The following AGBL1 variants were observed in gnomAD, a reference collection of about 807,000 sequenced individuals.
AGBL1 encodes the protein cytosolic carboxypeptidase 4.
Under a neutral mutation model 118.9 loss-of-function variants are expected in AGBL1, and 130 were observed. The ratio of observed to expected loss-of-function variants is 1.09; its 90% CI spans 0.95 to 1.26. The LOEUF is 1.26. Ranked by LOEUF, AGBL1 falls within the 50% of genes most tolerant of loss-of-function variation. AGBL1 has a pLI of 0.00. For missense variants in AGBL1, 1,584 were observed against 1,298.1 expected (o/e 1.22, Z -3.38); for synonymous variants, 555 against 478.9 (o/e 1.16, Z -2.08).
rs185027393 is a variant in AGBL1 at position 86,734,155 on chromosome 15, C to T, written c.3158+59719C>T. Reference sequence around the variant, plus strand: ...GCAACCCTAGGACATACAGCCATATCTGTTTTGACCCAAGGCACTTACGTT... The same window carrying T: ...GCAACCCTAGGACATACAGCCATATTTGTTTTGACCCAAGGCACTTACGTT... On this transcript the variant is annotated intron_variant, in intron 22 of 22. Transcript: ENST00000614907. Among the ~76,000 whole-genome samples, 579 of 152,246 alleles carry T rather than the reference C, an allele frequency of 3.8e-3. 5 individuals carry two copies. Among genetic ancestry groups the T allele is most frequent in the South Asian group, 0.019 (90 of 4,816 alleles).
chr15:86,653,497 C>T (rs1369668241), intron 21 of AGBL1, among the ~76,000 whole-genome samples: 3 of 152,164 alleles, frequency 2.0e-5, no homozygotes, highest in East Asian at 3.9e-4. Context: ...ATATAAACCA[C>T]AGTGATGAGC....
chr15:86,739,990 C>A (rs1227435344), intron 22 of AGBL1, among the ~76,000 whole-genome samples: 1 of 152,216 alleles, frequency 6.6e-6, no homozygotes, highest in Non-Finnish European at 1.5e-5. Flanking sequence ...CCTTTAAAGC[C>A]TGATACATTT....
At chr15:86,622,310 A>C (rs1273845029) in intron 21 of AGBL1, among the ~76,000 whole-genome samples, 2 of 150,408 alleles carry the variant, frequency 1.3e-5, no homozygotes, top group Admixed American at 6.6e-5. Flanking sequence ...AACCTGGGTG[A>C]CAAGACTGAG....
chr15:86,558,552 G>C (rs148786604), intron 21 of AGBL1, among the ~76,000 whole-genome samples: 1 of 152,174 alleles, frequency 6.6e-6, no homozygotes, highest in Non-Finnish European at 1.5e-5. Flanking sequence ...AAGTCCTTCT[G>C]TATGCAAATC....
chr15:86,178,528 C>G (rs1052778758), intron 5 of AGBL1, among the ~76,000 whole-genome samples: 3 of 152,150 alleles, frequency 2.0e-5, no homozygotes, highest in Admixed American at 2.0e-4. Context: ...TATCAAAGCT[C>G]ACCCAAGAAG....
chr15:86,733,727 A>G (rs2077557693), intron 22 of AGBL1, among the ~76,000 whole-genome samples: 1 of 152,230 alleles, frequency 6.6e-6, no homozygotes, highest in Admixed American at 6.5e-5. Context: ...CCATTTATAA[A>G]GAAAAGTGAG....
At chr15:86,809,756 T>C (rs1026437351) in intron 22 of AGBL1, among the ~76,000 whole-genome samples, 21 of 152,170 alleles carry the variant, frequency 1.4e-4, no homozygotes, top group African/African-American at 4.8e-4. Flanking sequence ...AAGAACCCAT[T>C]CATCTATATT....
At chr15:86,336,658 C>T (rs566560841) in intron 17 of AGBL1, among the ~76,000 whole-genome samples, 2 of 152,280 alleles carry the variant, frequency 1.3e-5, no homozygotes, top group South Asian at 4.1e-4. Context: ...AGCTCTGATC[C>T]ATAATTTATA....
At chr15:86,460,241 G>A (rs1020832803) in intron 18 of AGBL1, among the ~76,000 whole-genome samples, 1 of 149,020 alleles carries the variant, frequency 6.7e-6, no homozygotes, top group Non-Finnish European at 1.5e-5. Flanking sequence ...CAGCACTTTG[G>A]GAGGCTGCGG....
At chr15:86,950,319 T>C (rs1384621945) in intron 23 of AGBL1, among the ~76,000 whole-genome samples, 4 of 150,986 alleles carry the variant, frequency 2.6e-5, no homozygotes, top group African/African-American at 9.7e-5. Flanking sequence ...AAAACAAATG[T>C]AAAATAAAAT....
At chr15:86,314,721 G>T (rs1272941110) in intron 17 of AGBL1, among the ~76,000 whole-genome samples, 2 of 152,152 alleles carry the variant, frequency 1.3e-5, no homozygotes, top group East Asian at 3.9e-4. Context: ...TGCTTCCCCA[G>T]TAGGAAGTCC....
chr15:86,204,388 C>T (rs2077955403), intron 5 of AGBL1, among the ~76,000 whole-genome samples: 1 of 152,146 alleles, frequency 6.6e-6, no homozygotes, highest in Non-Finnish European at 1.5e-5. Flanking sequence ...TGGGATTTCC[C>T]ATATACCCCT....
intron 17 of AGBL1, among the ~76,000 whole-genome samples, chr15:86,314,249 A>G (rs1184991495): frequency 6.6e-6 from 1 of 152,216 alleles, no homozygotes; most frequent in Non-Finnish European, 1.5e-5. Context: ...TTGGCCAAAC[A>G]AGAGGAGTTA....
chr15:86,707,505 C>T (rs904928449), intron 22 of AGBL1, among the ~76,000 whole-genome samples: 44 of 152,148 alleles, frequency 2.9e-4, no homozygotes, highest in African/African-American at 1.0e-3. Flanking sequence ...GCACACACCA[C>T]ATCCCTCATG....
At chr15:86,390,446 A>G (rs1012556473) in intron 17 of AGBL1, among the ~76,000 whole-genome samples, 2 of 151,998 alleles carry the variant, frequency 1.3e-5, no homozygotes, top group Admixed American at 1.3e-4. Context: ...TGATCCTAAC[A>G]CCTTTATTCA....
At chr15:86,986,742 T>C (rs1036710244) in intron 23 of AGBL1, among the ~76,000 whole-genome samples, 3 of 152,246 alleles carry the variant, frequency 2.0e-5, no homozygotes, top group African/African-American at 7.2e-5. Flanking sequence ...TAATTTGCAG[T>C]GTCCAAATCT....
intron 22 of AGBL1, among the ~76,000 whole-genome samples, chr15:86,820,805 T>C (rs1382226327): frequency 6.6e-6 from 1 of 152,106 alleles, no homozygotes; most frequent in Non-Finnish European, 1.5e-5. Flanking sequence ...AGAAATACCA[T>C]TTGACCCAGC....
chr15:86,563,746 T>C (rs1048094797), intron 21 of AGBL1, among the ~76,000 whole-genome samples: 3 of 152,168 alleles, frequency 2.0e-5, no homozygotes, highest in Non-Finnish European at 1.5e-5. Context: ...AAGTCTCCCA[T>C]AATTATTATG....
At chr15:86,651,762 G>A (rs1050086005) in intron 21 of AGBL1, among the ~76,000 whole-genome samples, 5 of 152,098 alleles carry the variant, frequency 3.3e-5, no homozygotes, top group African/African-American at 1.2e-4. Flanking sequence ...TACTAAACCT[G>A]CCACTGAGTA....
Sources: allele counts gnomAD v4.1 joint callset (sites outside exome capture counted in the v4.1 genomes callset), GRCh38; gene constraint gnomAD v4.1.1; transcripts MANE v1.5; gene names NCBI Gene and HGNC (gene_info 2026-07-23, HGNC 2026-07-21).